The following ZFHX3 variants were observed in gnomAD, a reference collection of about 807,000 sequenced individuals.
ZFHX3 encodes the protein zinc finger homeobox protein 3.
In ZFHX3, 42 loss-of-function variants were observed where a neutral mutation model predicts 279.1. The ratio of observed to expected loss-of-function variants is 0.15; its 90% CI spans 0.12 to 0.19. The LOEUF is 0.19. ZFHX3 is among the 10% of genes least tolerant of loss of function. The pLI is 1.00. For synonymous variants in ZFHX3, 2,293 were observed against 1,957.8 expected, an observed-to-expected ratio of 1.17 and a Z score of -4.52; for missense variants, 4,981 against 4,754.0, an observed-to-expected ratio of 1.05 and a Z score of -1.40.
intron 1 of ZFHX3, among the ~76,000 whole-genome samples, chr16:73,779,093 G>T (rs1959361714): frequency 2.0e-5 from 3 of 152,188 alleles, no homozygotes; most frequent in Admixed American, 6.5e-5. Flanking sequence ...GATGGCTCCA[G>T]AGTGGCACAC....
rs1246750506 is a variant in ZFHX3, at chr16:73,135,791, T to G, written c.-1023-4697A>C. Among the ~76,000 whole-genome samples, 3 of 152,188 alleles carry G rather than the reference T, an allele frequency of 2.0e-5. No individual in the cohort carries two copies. The East Asian group carries it at 5.8e-4, about 29-fold the overall frequency. On this transcript the variant is annotated intron_variant, in intron 6 of 17. Coordinates refer to the ZFHX3 transcript ENST00000641206. Reference sequence around the variant, plus strand: ...GTTGAGTAGCAGCTGCCTTTTAGGCTGGGCATGGTTTCCACGGTCCCTACC... The same window carrying G: ...GTTGAGTAGCAGCTGCCTTTTAGGCGGGGCATGGTTTCCACGGTCCCTACC...
intron 3 of ZFHX3, among the ~76,000 whole-genome samples, chr16:73,413,414 C>A (rs1182683190): frequency 6.6e-6 from 1 of 152,128 alleles, no homozygotes; most frequent in Non-Finnish European, 1.5e-5. Flanking sequence ...GGAGAGGGCT[C>A]TGGGCACCTT....
chr16:73,407,852 T>A (rs886094453), intron 3 of ZFHX3, among the ~76,000 whole-genome samples: 3 of 152,160 alleles, frequency 2.0e-5, no homozygotes, highest in African/African-American at 7.2e-5. Flanking sequence ...ATCGTGCAAA[T>A]GGTCTTCCAC....
chr16:73,701,822 A>G (rs936060352), intron 1 of ZFHX3, among the ~76,000 whole-genome samples: 3 of 152,154 alleles, frequency 2.0e-5, no homozygotes, highest in African/African-American at 7.2e-5. Flanking sequence ...GGTAATTATT[A>G]TTCAAAAGAT....
chr16:73,150,744 C>T (rs549721862), intron 5 of ZFHX3, among the ~76,000 whole-genome samples: 110 of 152,258 alleles, frequency 7.2e-4, no homozygotes, highest in African/African-American at 2.5e-3. Context: ...TGCAAACTCC[C>T]GGATGACAGA....
At chr16:73,788,476 G>A (rs1351762781) in intron 1 of ZFHX3, among the ~76,000 whole-genome samples, 2 of 152,124 alleles carry the variant, frequency 1.3e-5, no homozygotes, top group African/African-American at 2.4e-5. Flanking sequence ...TATACAAAGT[G>A]ACTTCACAAC....
intron 7 of ZFHX3, among the ~76,000 whole-genome samples, chr16:73,101,263 C>A (rs928148411): frequency 9.9e-5 from 15 of 152,202 alleles, no homozygotes; most frequent in African/African-American, 3.1e-4. Context: ...AATTGATGAG[C>A]CCCATTCAAG....
At chr16:73,809,653 C>G (rs905607501) in intron 1 of ZFHX3, 1 of 152,178 alleles carries the variant, frequency 6.6e-6, no homozygotes, top group Non-Finnish European at 1.5e-5. Context: ...ACAGTTTCAT[C>G]TCTCTCATGC....
chr16:73,442,870 G>T (rs1224721618), intron 3 of ZFHX3, among the ~76,000 whole-genome samples: 2 of 152,166 alleles, frequency 1.3e-5, no homozygotes, highest in Non-Finnish European at 2.9e-5. Context: ...TTCCACCTCA[G>T]CCTCCCGAGC....
chr16:72,814,551 G>T (rs1209711303), intron 5 of ZFHX3, among the ~76,000 whole-genome samples: 1 of 151,930 alleles, frequency 6.6e-6, no homozygotes, highest in African/African-American at 2.4e-5. Context: ...GGTTGCAGAG[G>T]TGAGAATTCT....
chr16:73,424,385 GC>G (rs890362969), intron 3 of ZFHX3, among the ~76,000 whole-genome samples: 1 of 152,146 alleles, frequency 6.6e-6, no homozygotes, highest in African/African-American at 2.4e-5. Context: ...TCTAGCTTTT[GC>G]TCTTCCAGGG....
At chr16:72,939,048 C>G (rs912143154) in intron 3 of ZFHX3, among the ~76,000 whole-genome samples, 1 of 152,188 alleles carries the variant, frequency 6.6e-6, no homozygotes, top group African/African-American at 2.4e-5. Flanking sequence ...CTTGGCCTGG[C>G]TCACTAGAGG....
intron 2 of ZFHX3, among the ~76,000 whole-genome samples, chr16:73,611,193 G>A (rs990283845): frequency 7.2e-5 from 11 of 151,970 alleles, no homozygotes; most frequent in African/African-American, 9.7e-5. Flanking sequence ...CAAGCTTCCC[G>A]GGTTCTTCTC....
At chr16:73,094,505 A>C (rs751451716) in intron 7 of ZFHX3, 3 of 150,554 alleles carry the variant, frequency 2.0e-5, no homozygotes, top group African/African-American at 7.3e-5. Context: ...TGCCCAATAC[A>C]TGCCTGTGTT....
chr16:73,265,982 T>C (rs1470705433), intron 4 of ZFHX3, among the ~76,000 whole-genome samples: 1 of 152,212 alleles, frequency 6.6e-6, no homozygotes, highest in Non-Finnish European at 1.5e-5. Flanking sequence ...ACCTGATCAC[T>C]TTCTCCATTG....
intron 2 of ZFHX3, among the ~76,000 whole-genome samples, chr16:73,574,969 TTAAG>T (rs2051784517): frequency 6.6e-6 from 1 of 152,188 alleles, no homozygotes; most frequent in African/African-American, 2.4e-5. Flanking sequence ...TGTTCCATCT[TTAAG>T]TGTTTAACTT....
At chr16:73,163,981 T>C (rs992957442) in intron 5 of ZFHX3, among the ~76,000 whole-genome samples, 7 of 152,168 alleles carry the variant, frequency 4.6e-5, no homozygotes, top group African/African-American at 1.7e-4. Context: ...GTTTGGCAGA[T>C]GACCGTCAGA....
At chr16:73,379,136 A>C (rs936891664) in intron 3 of ZFHX3, among the ~76,000 whole-genome samples, 2 of 152,174 alleles carry the variant, frequency 1.3e-5, no homozygotes, top group East Asian at 1.9e-4. Context: ...GCATAATCCC[A>C]AATATTTTTT....
At chr16:73,222,098 C>T (rs1393076398) in intron 5 of ZFHX3, among the ~76,000 whole-genome samples, 1 of 151,950 alleles carries the variant, frequency 6.6e-6, no homozygotes. Context: ...TTTCTTCATA[C>T]TCCTATAATA....
Sources: allele counts gnomAD v4.1 joint callset (sites outside exome capture counted in the v4.1 genomes callset), GRCh38; gene constraint gnomAD v4.1.1; transcripts MANE v1.5; gene names NCBI Gene and HGNC (gene_info 2026-07-23, HGNC 2026-07-21).